PRKCE: variants seen among roughly 807,000 people sequenced by gnomAD.
The protein encoded by PRKCE is protein kinase C epsilon type.
In PRKCE, 16 loss-of-function variants were observed where a neutral mutation model predicts 85.4. The ratio of observed to expected loss-of-function variants is 0.19; its 90% CI spans 0.13 to 0.28. The LOEUF is 0.28. Ranked by LOEUF, PRKCE falls within the 10% of genes least tolerant of loss-of-function variation. The pLI is 1.00. For missense variants in PRKCE, 573 were observed against 975.2 expected, an observed-to-expected ratio of 0.59 and a Z score of 5.49; for synonymous variants, 388 against 371.5, an observed-to-expected ratio of 1.04 and a Z score of -0.51.
At chr2:45,940,583 T>C (rs1205486691) in intron 2 of PRKCE, among the ~76,000 whole-genome samples, 2 of 152,170 alleles carry the variant, frequency 1.3e-5, no homozygotes, top group African/African-American at 4.8e-5. Flanking sequence ...TGATGACTTG[T>C]ATCCAGGGCC....
intron 2 of PRKCE, among the ~76,000 whole-genome samples, chr2:45,945,618 C>T (rs944813344): frequency 6.6e-6 from 1 of 152,192 alleles, no homozygotes; most frequent in Non-Finnish European, 1.5e-5. Context: ...ATGCTATGTA[C>T]CAGGCACCAT....
At chr2:45,798,252 A>G (rs1573398090) in intron 1 of PRKCE, among the ~76,000 whole-genome samples, 1 of 152,224 alleles carries the variant, frequency 6.6e-6, no homozygotes, top group Admixed American at 6.5e-5. Context: ...TCTAAAATAA[A>G]AAAGGAATTT....
chr2:46,086,114 G>A, intron 10 of PRKCE, 94 bp from the exon 11 acceptor site: 5 of 1,359,974 alleles, frequency 3.7e-6, no homozygotes, highest in Non-Finnish European at 5.0e-6. Context: ...TCCCCCTTGA[G>A]TCTTGGTAAC....
intron 1 of PRKCE, among the ~76,000 whole-genome samples, chr2:45,753,111 C>T (rs1446373160): frequency 2.6e-5 from 4 of 152,072 alleles, no homozygotes; most frequent in African/African-American, 7.3e-5. Flanking sequence ...ATGTATATAC[C>T]GCTGTCGTGT....
intron 2 of PRKCE, among the ~76,000 whole-genome samples, chr2:45,871,937 C>T (rs536764092): frequency 2.2e-4 from 34 of 152,274 alleles, no homozygotes; most frequent in Admixed American, 1.4e-3. Context: ...ACTCCTGTCC[C>T]CATTCCACAA....
At chr2:45,974,757 C>T (rs1413946875) in intron 2 of PRKCE, among the ~76,000 whole-genome samples, 3 of 152,130 alleles carry the variant, frequency 2.0e-5, no homozygotes, top group African/African-American at 7.2e-5. Flanking sequence ...ATGCTTCTTC[C>T]CCTGAAGACT....
At chr2:46,131,154 A>G (rs1349214443) in intron 11 of PRKCE, among the ~76,000 whole-genome samples, 1 of 152,216 alleles carries the variant, frequency 6.6e-6, no homozygotes, top group Non-Finnish European at 1.5e-5. Context: ...GAAAATCCAA[A>G]TCTTGCTCCA....
At chr2:46,043,979 T>C (rs1303697784) in intron 10 of PRKCE, among the ~76,000 whole-genome samples, 1 of 152,180 alleles carries the variant, frequency 6.6e-6, no homozygotes, top group African/African-American at 2.4e-5. Flanking sequence ...GGCTGGGGTG[T>C]CCTGAGCATA....
rs370426250 is a variant in PRKCE, at chr2:45,890,938, G to A, written c.412+47875G>A. ...GCATGGTCTAGTTGGACCTTGGAAT[G>A]TTGGCTAACAGAAAGGAACATAAGT... On this transcript the variant is annotated intron_variant, in intron 2 of 14. Transcript: ENST00000306156. Among the ~76,000 whole-genome samples, 107 of 152,314 alleles carry A rather than the reference G, an allele frequency of 7.0e-4. 1 individual carries two copies. Among genetic ancestry groups the A allele is most frequent in the African/African-American group, 2.5e-3 (102 of 41,570 alleles).
At chr2:45,884,559 T>C (rs944310217) in intron 2 of PRKCE, among the ~76,000 whole-genome samples, 1 of 152,080 alleles carries the variant, frequency 6.6e-6, no homozygotes, top group Non-Finnish European at 1.5e-5. Context: ...CCTACGACAA[T>C]GTTATAGGAA....
intron 2 of PRKCE, among the ~76,000 whole-genome samples, chr2:45,940,379 A>G (rs549551912): frequency 1.3e-3 from 198 of 152,344 alleles, no homozygotes; most frequent in Non-Finnish European, 2.2e-3. Context: ...CCTATGAAGC[A>G]AGAACATGAT....
At chr2:45,886,446 G>T (rs1347054044) in intron 2 of PRKCE, among the ~76,000 whole-genome samples, 1 of 152,204 alleles carries the variant, frequency 6.6e-6, no homozygotes, top group African/African-American at 2.4e-5. Flanking sequence ...TTTAATGCTA[G>T]CAGTAAAACA....
chr2:45,770,255 G>A (rs1161649845), intron 1 of PRKCE, among the ~76,000 whole-genome samples: 7 of 152,168 alleles, frequency 4.6e-5, no homozygotes, highest in Non-Finnish European at 8.8e-5. Flanking sequence ...ACTGGTCAGG[G>A]ACAATCTGGA....
At chr2:46,074,844 A>G (rs58379170) in intron 10 of PRKCE, among the ~76,000 whole-genome samples, 2,034 of 152,240 alleles carry the variant, frequency 0.013, 59 homozygotes, top group African/African-American at 0.045. Flanking sequence ...TTAGCCACCT[A>G]TGTCCTGCCT....
intron 1 of PRKCE, among the ~76,000 whole-genome samples, chr2:45,663,747 C>T (rs772324576): frequency 1.3e-5 from 2 of 151,678 alleles, no homozygotes; most frequent in African/African-American, 2.4e-5. Context: ...TACGCCACTG[C>T]GCTCTAGCCT....
chr2:45,889,507 C>G (rs1054801762), intron 2 of PRKCE, among the ~76,000 whole-genome samples: 2 of 149,372 alleles, frequency 1.3e-5, no homozygotes, highest in Non-Finnish European at 3.0e-5. Context: ...GTGTGTCATT[C>G]TCAGGCAAAT....
At chr2:45,705,210 C>T (rs1165070085) in intron 1 of PRKCE, among the ~76,000 whole-genome samples, 5 of 152,242 alleles carry the variant, frequency 3.3e-5, no homozygotes, top group East Asian at 1.9e-4. Context: ...CTGTGGAGCT[C>T]GGTTCCGAGC....
intron 2 of PRKCE, among the ~76,000 whole-genome samples, chr2:45,938,022 C>T (rs894045901): frequency 1.3e-5 from 2 of 152,216 alleles, no homozygotes; most frequent in African/African-American, 4.8e-5. Flanking sequence ...TTACGCACCA[C>T]TAATGTCACT....
At chr2:46,074,863 G>A (rs1368306358) in intron 10 of PRKCE, among the ~76,000 whole-genome samples, 3 of 152,186 alleles carry the variant, frequency 2.0e-5, no homozygotes, top group Admixed American at 2.0e-4. Flanking sequence ...CTGGGACACA[G>A]GAAGGTGTAA....
Sources: allele counts gnomAD v4.1 joint callset (sites outside exome capture counted in the v4.1 genomes callset), GRCh38; gene constraint gnomAD v4.1.1; transcripts MANE v1.5; gene names NCBI Gene and HGNC (gene_info 2026-07-23, HGNC 2026-07-21).